GUCY1B1: variants seen among roughly 807,000 people sequenced by gnomAD.
GUCY1B1 encodes guanylate cyclase soluble subunit beta-1.
GUCY1B1 carries 43 observed loss-of-function variants against 71.0 expected under a neutral mutation model. The observed-to-expected ratio is 0.61, with a 90% confidence interval of 0.47 to 0.78. The LOEUF is 0.78. Among genes scored for constraint, GUCY1B1 ranks in the 30% least tolerant of loss-of-function variants. The pLI, the probability that GUCY1B1 is intolerant of heterozygous loss-of-function variation, is 0.00. For missense variants in GUCY1B1, 535 were observed against 754.1 expected (o/e 0.71, Z 3.40); for synonymous variants, 266 against 259.7 (o/e 1.02, Z -0.23).
At position 155,803,658 on chromosome 4, in the gene GUCY1B1, G is replaced by A; in HGVS notation, c.1448G>A (p.Ser483Asn). The A allele has an allele frequency of 6.2e-7, 1 of 1,605,946 alleles. No individual in the cohort carries two copies. Among genetic ancestry groups the A allele is most frequent in the Non-Finnish European group, 8.5e-7 (1 of 1,175,854 alleles). Residue 483 changes from serine to asparagine, a missense_variant, in exon 11 of 14, where the codon AGT becomes AAT. Physicochemically the swap from Ser to Asn is conservative, Grantham distance 46 (BLOSUM62 1). Coordinates refer to ENST00000264424, the MANE Select transcript of GUCY1B1 (RefSeq NM_000857.5). ...GTTGGTGACAAGTATATGACAGTGA[G>A]TGGTTTACCAGAGCCATGCATTCAC... is the stretch of plus-strand genomic sequence containing the variant. ...ETVGDKYMTV[S>N]GLPEPCIHHA...
At chr4:155,805,800 T>C (rs1740273759) in intron 13 of GUCY1B1, among the ~76,000 whole-genome samples, 1 of 152,202 alleles carries the variant, frequency 6.6e-6, no homozygotes, top group Admixed American at 6.5e-5. Context: ...TTCTTTCTAC[T>C]ACTATGGTTA....
intron 4 of GUCY1B1, among the ~76,000 whole-genome samples, chr4:155,782,720 A>G (rs1738520047): frequency 6.6e-6 from 1 of 152,096 alleles, no homozygotes; most frequent in African/African-American, 2.4e-5. Context: ...GGCAGAAGTG[A>G]GATATTTAAA....
At chr4:155,791,739 T>C (rs200792921) in intron 5 of GUCY1B1, among the ~76,000 whole-genome samples, 75,562 of 123,502 alleles carry the variant, frequency 0.61, 20,143 homozygotes, top group Middle Eastern at 0.75. Context: ...ATCAAAAAAA[T>C]AGAGAAAAAA....
At chr4:155,761,135 G>A (rs1003253137) in intron 2 of GUCY1B1, among the ~76,000 whole-genome samples, 11 of 152,276 alleles carry the variant, frequency 7.2e-5, no homozygotes, top group African/African-American at 2.2e-4. Flanking sequence ...AACAGAAGCC[G>A]AGATTTGGCA....
chr4:155,759,919 C>A (rs906004188), intron 2 of GUCY1B1, 59 bp downstream of exon 2: 2 of 1,255,702 alleles, frequency 1.6e-6, no homozygotes, highest in Non-Finnish European at 2.3e-6. Context: ...GGAGGCCCCC[C>A]GCGCCTCGCC....
At position 155,802,258 on chromosome 4, in the gene GUCY1B1, G is replaced by A. The variant is rs1416965330; in HGVS notation, c.1176-84G>A. On this transcript the variant is annotated intron_variant, in intron 9 of 13. Coordinates refer to ENST00000264424, the MANE Select transcript of GUCY1B1 (RefSeq NM_000857.5). The surrounding 1 kb of genome is among the most constrained non-coding windows in gnomAD (Gnocchi z 4.3). ...AGGCCTTTAAAGTACAAACGACACT[G>A]ATGCTGTGTGAAAAGGACAGCAGAA... The A allele has an allele frequency of 1.3e-6, 2 of 1,578,660 alleles. No individual in the cohort carries two copies. The highest frequency in any genetic ancestry group is 2.3e-5 in the South Asian group (2 of 87,598).
At chr4:155,786,406 T>TG (rs1288557270) in intron 4 of GUCY1B1, among the ~76,000 whole-genome samples, 4 of 148,544 alleles carry the variant, frequency 2.7e-5, no homozygotes, top group African/African-American at 7.4e-5. Flanking sequence ...CCCAAGTAGC[T>TG]GGGACTACAG....
intron 2 of GUCY1B1, among the ~76,000 whole-genome samples, chr4:155,766,050 G>T (rs1466564970): frequency 6.6e-6 from 1 of 151,988 alleles, no homozygotes; most frequent in Non-Finnish European, 1.5e-5. Context: ...TTTCTAGAGT[G>T]CTCTCTCTCT....
At chr4:155,785,137 A>G in intron 4 of GUCY1B1, 3 of 488,950 alleles carry the variant, frequency 6.1e-6, no homozygotes, top group South Asian at 7.5e-5. Flanking sequence ...GAAAAACAAT[A>G]AAATGATATT....
At position 155,767,662 on chromosome 4, in the gene GUCY1B1, T is replaced by A. The variant is rs547056608; in HGVS notation, c.78-7306T>A. The stretch of plus-strand genomic sequence containing the variant: ...CTGACCTTTACTAACTAAAAGGGGG[T>A]TCAGGCAGGAAGTCGTTACTGGATT... On this transcript the variant is annotated intron_variant, in intron 2 of 13. Transcript: ENST00000264424. 4.0e-5 allele frequency among the ~76,000 whole-genome samples: 6 copies of A among 151,104 alleles called. No individual in the cohort carries two copies. In the South Asian group the frequency reaches 1.3e-3, roughly 32 times the overall value.
chr4:155,785,231 A>T, intron 4 of GUCY1B1: 6 of 934,256 alleles, frequency 6.4e-6, no homozygotes, highest in Middle Eastern at 2.1e-4. Flanking sequence ...TACTCTCTAT[A>T]TTTTTCCTGT....
chr4:155,807,705 T>G lies in GUCY1B1; in HGVS notation c.*1296T>G, dbSNP rs1740409043. The G allele has an allele frequency of 6.6e-6, 1 of 152,118 alleles. No homozygotes were observed. Among genetic ancestry groups the G allele is most frequent in the Admixed American group, 6.6e-5 (1 of 15,234 alleles). 9.4% of individuals were successfully genotyped at this position (152,118 alleles called of 1,614,324 possible). Reference sequence around the variant, plus strand: ...TGCCTATTTGCTACCATTATAAATTTTCACTGACTCCTCATAGACAGCATA... The same window carrying G: ...TGCCTATTTGCTACCATTATAAATTGTCACTGACTCCTCATAGACAGCATA... On this transcript the variant is annotated 3_prime_UTR_variant, in exon 14 of 14. Coordinates refer to ENST00000264424, the MANE Select transcript of GUCY1B1 (RefSeq NM_000857.5).
chr4:155,789,396 T>C (rs1334342217), intron 4 of GUCY1B1, among the ~76,000 whole-genome samples: 1 of 152,240 alleles, frequency 6.6e-6, no homozygotes, highest in African/African-American at 2.4e-5. Flanking sequence ...CTCTTGTAAA[T>C]GTATCTTTGC....
intron 2 of GUCY1B1, among the ~76,000 whole-genome samples, chr4:155,770,978 A>G (rs916858607): frequency 6.6e-6 from 1 of 152,210 alleles, no homozygotes; most frequent in Non-Finnish European, 1.5e-5. Flanking sequence ...GTCAGCTAAA[A>G]TATAAGCTTT....
At chr4:155,797,639 G>A (rs1262876504) in intron 8 of GUCY1B1, among the ~76,000 whole-genome samples, 2 of 151,530 alleles carry the variant, frequency 1.3e-5, no homozygotes, top group Non-Finnish European at 2.9e-5. Context: ...TAGGGAGGCT[G>A]AGGCAGGAGA....
At position 155,775,021 on chromosome 4, in the gene GUCY1B1, A is replaced by G. The variant is rs1737947546; in HGVS notation, c.131A>G (p.Asp44Gly). The G allele has an allele frequency of 6.2e-7, 1 of 1,606,942 alleles. No individual in the cohort carries two copies. The highest frequency in any genetic ancestry group is 8.5e-7 in the Non-Finnish European group (1 of 1,173,872). Residue 44 changes from aspartate to glycine, a missense_variant, in exon 3 of 14, where the codon GAT becomes GGT. Coordinates refer to ENST00000264424, the MANE Select transcript of GUCY1B1 (RefSeq NM_000857.5). ...CAGTTTCTTGTCAGAATAATATATG[A>G]TGACTCCAAAACTTATGATTTGGTT... is the stretch of plus-strand genomic sequence containing the variant. ...EGQFLVRIIY[D>G]DSKTYDLVAA...
chr4:155,781,140 T>A (rs2111063269), intron 4 of GUCY1B1, among the ~76,000 whole-genome samples: 1 of 152,250 alleles, frequency 6.6e-6, no homozygotes, highest in African/African-American at 2.4e-5. Flanking sequence ...TGAAAGAAAA[T>A]TTCTAAGTAC....
At chr4:155,793,332 C>T (rs1739312208) in intron 5 of GUCY1B1, among the ~76,000 whole-genome samples, 1 of 152,184 alleles carries the variant, frequency 6.6e-6, no homozygotes, top group African/African-American at 2.4e-5. Flanking sequence ...CCGCCCCACC[C>T]TCCCAAAGTG....
chr4:155,769,367 C>T (rs1737550361), intron 2 of GUCY1B1, among the ~76,000 whole-genome samples: 1 of 152,032 alleles, frequency 6.6e-6, no homozygotes, highest in African/African-American at 2.4e-5. Flanking sequence ...ACTTGTTAGC[C>T]AATGAAAGTG....
Sources: gnomAD v4.1 joint callset for allele counts (sites outside exome capture counted in the v4.1 genomes callset) on GRCh38, gnomAD v4.1.1 for gene constraint, Gnocchi (gnomAD v3.1) non-coding constraint, MANE v1.5 for transcripts, NCBI Gene and HGNC (gene_info 2026-07-23, HGNC 2026-07-21) for gene names.